FABP6: variants seen among roughly 807,000 people sequenced by gnomAD.
FABP6 encodes gastrotropin.
FABP6 carries 13 observed loss-of-function variants against 14.9 expected under a neutral mutation model. The observed-to-expected ratio is 0.87, with a 90% confidence interval of 0.57 to 1.39. The LOEUF (loss-of-function observed/expected upper bound fraction) is 1.39, where lower values mean the gene tolerates loss of function less well. FABP6 is among the 40% of genes most tolerant of loss of function. The pLI is 0.00. For missense variants in FABP6, 161 were observed against 167.2 expected, an observed-to-expected ratio of 0.96 and a Z score of 0.20; for synonymous variants, 75 against 63.6, an observed-to-expected ratio of 1.18 and a Z score of -0.85.
chr5:160,214,135 C>G (rs1467429858), intron 3 of FABP6, among the ~76,000 whole-genome samples: 3 of 145,394 alleles, frequency 2.1e-5, no homozygotes, highest in African/African-American at 7.7e-5. Flanking sequence ...TTCTTTCTTT[C>G]TTTCTTTCTT....
At chr5:160,220,654 T>C (rs563440298) in intron 3 of FABP6, among the ~76,000 whole-genome samples, 42 of 152,128 alleles carry the variant, frequency 2.8e-4, no homozygotes, top group Middle Eastern at 3.4e-3. Flanking sequence ...TGTTAATTCT[T>C]CTCATATTAG....
At chr5:160,213,736 G>A in exon 3 of FABP6, 2 of 1,613,814 alleles carry the variant, frequency 1.2e-6, no homozygotes, top group Non-Finnish European at 1.7e-6. Flanking sequence ...TCTGACTCAG[G>A]TTCTGAGAGC....
intron 1 of FABP6, among the ~76,000 whole-genome samples, chr5:160,191,575 G>A (rs1326266307): frequency 6.8e-6 from 1 of 147,424 alleles, no homozygotes; most frequent in Admixed American, 6.7e-5. Flanking sequence ...TTGCTTCAGC[G>A]TCAATGGCTT....
intron 1 of FABP6, among the ~76,000 whole-genome samples, chr5:160,188,219 G>A (rs1759326591): frequency 6.6e-6 from 1 of 152,148 alleles, no homozygotes; most frequent in Admixed American, 6.6e-5. Context: ...AAGCACCCCA[G>A]GAATGCCCTC....
At position 160,212,445 on chromosome 5, in the gene FABP6, C is replaced by T. The variant is rs28863866; in HGVS notation, c.52-1291C>T. ...CTGGGATTTCAGGCATGAGCTTCTG[C>T]GTCTGGCCCTACAACTGGCTAATTT... On this transcript the variant is annotated intron_variant, in intron 2 of 6. Transcript: ENST00000393980. Among the ~76,000 whole-genome samples the T allele has an allele frequency of 5.1e-3, 775 of 151,654 alleles. 8 individuals are homozygous for T. Among genetic ancestry groups the T allele is most frequent in the African/African-American group, 0.018 (739 of 41,342 alleles).
chr5:160,194,462 T>C (rs1188462199), intron 1 of FABP6, among the ~76,000 whole-genome samples: 2 of 152,082 alleles, frequency 1.3e-5, no homozygotes, highest in African/African-American at 4.8e-5. Flanking sequence ...AGCACGCTGT[T>C]ATCTCTCATT....
At chr5:160,197,168 C>T (rs1759526697) in intron 1 of FABP6, 1 of 152,398 alleles carries the variant, frequency 6.6e-6, no homozygotes, top group South Asian at 2.1e-4. Flanking sequence ...AGACAGATGG[C>T]TTTTGGAGGC....
intron 2 of FABP6, among the ~76,000 whole-genome samples, chr5:160,205,922 G>T (rs763963242): frequency 6.6e-6 from 1 of 152,154 alleles, no homozygotes; most frequent in Non-Finnish European, 1.5e-5. Context: ...AGTCATGAGA[G>T]ATATTAACTT....
chr5:160,201,682 C>A (rs979277861), intron 2 of FABP6, among the ~76,000 whole-genome samples: 2 of 151,932 alleles, frequency 1.3e-5, no homozygotes, highest in African/African-American at 2.4e-5. Flanking sequence ...TTCCCCTCCC[C>A]CTCCTCTCTT....
intron 3 of FABP6, among the ~76,000 whole-genome samples, chr5:160,217,232 A>C (rs1760030937): frequency 6.6e-6 from 1 of 152,214 alleles, no homozygotes; most frequent in Non-Finnish European, 1.5e-5. Context: ...GTCAGTTAGA[A>C]ATGGCATAAG....
intron 3 of FABP6, among the ~76,000 whole-genome samples, chr5:160,237,630 C>A (rs1373004634): frequency 6.6e-6 from 1 of 152,120 alleles, no homozygotes; most frequent in African/African-American, 2.4e-5. Flanking sequence ...CTCTCCCCCA[C>A]CTTCCATCCA....
At chr5:160,213,005 A>G (rs1759924834) in intron 2 of FABP6, among the ~76,000 whole-genome samples, 1 of 152,138 alleles carries the variant, frequency 6.6e-6, no homozygotes, top group African/African-American at 2.4e-5. Context: ...AGCTGGGTAG[A>G]ATCTTTGGGG....
chr5:160,191,764 A>T (rs1759399046), intron 1 of FABP6, among the ~76,000 whole-genome samples: 1 of 147,750 alleles, frequency 6.8e-6, no homozygotes, highest in Non-Finnish European at 1.5e-5. Flanking sequence ...GATCCAGACC[A>T]CCCTGGCTAA....
chr5:160,200,008 GA>G (rs1759602743), intron 2 of FABP6, among the ~76,000 whole-genome samples: 1 of 152,232 alleles, frequency 6.6e-6, no homozygotes, highest in Non-Finnish European at 1.5e-5. Context: ...TCCTGTGATG[GA>G]AAAGGCTTAG....
At chr5:160,209,328 G>A (rs1005146983) in intron 2 of FABP6, among the ~76,000 whole-genome samples, 19 of 152,024 alleles carry the variant, frequency 1.2e-4, no homozygotes, top group Non-Finnish European at 2.2e-4. Context: ...ACCAGCCTGG[G>A]CAACATGGTG....
At chr5:160,205,385 T>C (rs1183455827) in intron 2 of FABP6, among the ~76,000 whole-genome samples, 1 of 150,072 alleles carries the variant, frequency 6.7e-6, no homozygotes, top group African/African-American at 2.5e-5. Flanking sequence ...TGTTCATACA[T>C]GTTCAAAGTC....
intron 3 of FABP6, among the ~76,000 whole-genome samples, chr5:160,217,294 G>A (rs1424246864): frequency 6.6e-6 from 1 of 152,188 alleles, no homozygotes; most frequent in African/African-American, 2.4e-5. Flanking sequence ...GTTCAGAGTA[G>A]AGATCTGAGA....
At chr5:160,199,043 T>G in intron 1 of FABP6, 2 of 1,575,932 alleles carry the variant, frequency 1.3e-6, no homozygotes, top group Non-Finnish European at 1.7e-6. Context: ...TTTTGTGTCA[T>G]TGCAGACTTT....
intron 1 of FABP6, among the ~76,000 whole-genome samples, chr5:160,189,487 C>G (rs1862325): frequency 6.6e-6 from 1 of 151,804 alleles, no homozygotes; most frequent in Non-Finnish European, 1.5e-5. Context: ...AGGTGATCCA[C>G]CCACCTCAGT....
Sources: gnomAD v4.1 joint callset for allele counts (sites outside exome capture counted in the v4.1 genomes callset) on GRCh38, gnomAD v4.1.1 for gene constraint, MANE v1.5 for transcripts, NCBI Gene and HGNC (gene_info 2026-07-23, HGNC 2026-07-21) for gene names.